The following ZBTB20 variants were observed in gnomAD, a reference collection of about 807,000 sequenced individuals.
ZBTB20 encodes the protein zinc finger and BTB domain-containing protein 20.
In ZBTB20, 9 loss-of-function variants were observed where a neutral mutation model predicts 56.9. The ratio of observed to expected loss-of-function variants is 0.16; its 90% CI spans 0.10 to 0.28. The LOEUF is 0.28. ZBTB20 is among the 10% of genes least tolerant of loss of function. The probability of loss-of-function intolerance (pLI) is 1.00; values close to 1 mark genes in which losing one functional copy is unlikely to be tolerated. For synonymous variants in ZBTB20, 417 were observed against 420.7 expected (o/e 0.99, Z 0.11); for missense variants, 655 against 1,003.0 (o/e 0.65, Z 4.69).
intron 6 of ZBTB20, among the ~76,000 whole-genome samples, chr3:114,606,087 T>C (rs1295981282): frequency 6.6e-6 from 1 of 152,202 alleles, no homozygotes; most frequent in Non-Finnish European, 1.5e-5. Flanking sequence ...TATATGCCTA[T>C]TTTAAGGAAT....
chr3:114,559,259 A>T (rs1559959500), intron 6 of ZBTB20, among the ~76,000 whole-genome samples: 1 of 152,202 alleles, frequency 6.6e-6, no homozygotes, highest in Non-Finnish European at 1.5e-5. Flanking sequence ...GTAGTTATTT[A>T]AATGTACCTC....
chr3:114,874,234 A>C (rs1000078710), intron 4 of ZBTB20: 9 of 152,220 alleles, frequency 5.9e-5, no homozygotes, highest in African/African-American at 2.2e-4. Context: ...TGGACTGAAA[A>C]CATTTTTTAA....
At chr3:114,767,717 A>T (rs548131045) in intron 5 of ZBTB20, among the ~76,000 whole-genome samples, 2 of 152,142 alleles carry the variant, frequency 1.3e-5, no homozygotes, top group Admixed American at 6.6e-5. Context: ...TGGCCCTCTA[A>T]TCTTCCTTCT....
intron 7 of ZBTB20, among the ~76,000 whole-genome samples, chr3:114,443,823 A>C (rs889990841): frequency 6.6e-6 from 1 of 152,190 alleles, no homozygotes; most frequent in Admixed American, 6.5e-5. Flanking sequence ...ATAGTATCCT[A>C]GGAAGGCAGA....
chr3:114,966,650 TA>T (rs1452124655), intron 3 of ZBTB20, among the ~76,000 whole-genome samples: 1 of 151,930 alleles, frequency 6.6e-6, no homozygotes, highest in Non-Finnish European at 1.5e-5. Context: ...CAGTGGAAAA[TA>T]AAATGGTATG....
At chr3:114,673,749 C>A (rs143870323) in intron 6 of ZBTB20, among the ~76,000 whole-genome samples, 4,003 of 152,214 alleles carry the variant, frequency 0.026, 113 homozygotes, top group Admixed American at 0.095. Context: ...GAAAATATCT[C>A]ATCAGTGCAA....
At chr3:115,089,301 C>T (rs1374709358) in intron 1 of ZBTB20, among the ~76,000 whole-genome samples, 1 of 151,640 alleles carries the variant, frequency 6.6e-6, no homozygotes, top group Non-Finnish European at 1.5e-5. Flanking sequence ...TCTTTCTTTC[C>T]TCATCTTTAA....
intron 6 of ZBTB20, among the ~76,000 whole-genome samples, chr3:114,613,354 T>C (rs532120601): frequency 6.6e-6 from 1 of 152,340 alleles, no homozygotes; most frequent in South Asian, 2.1e-4. Context: ...ACCAAGAAGC[T>C]GGAAATAGAA....
chr3:114,917,182 A>C (rs545617071), intron 3 of ZBTB20, among the ~76,000 whole-genome samples: 1 of 152,190 alleles, frequency 6.6e-6, no homozygotes, highest in Non-Finnish European at 1.5e-5. Context: ...CAGGGTGTCA[A>C]CTGCATTTTT....
chr3:114,863,913 C>T (rs550731232), intron 4 of ZBTB20, among the ~76,000 whole-genome samples: 4 of 152,044 alleles, frequency 2.6e-5, no homozygotes, highest in South Asian at 4.2e-4. Flanking sequence ...TGCTAGCAGC[C>T]CACTTAACAT....
chr3:114,591,962 A>G lies in ZBTB20; in HGVS notation c.-294-91571T>C, dbSNP rs1057464018. ...ATTTTTGCATCACTCTTCCTTGCCT[A>G]TTCCTTAAAATATAATTTTAAATGA... On this transcript the variant is annotated intron_variant, in intron 6 of 11. Transcript: ENST00000675478. Among the ~76,000 whole-genome samples the G allele has an allele frequency of 2.0e-5, 3 of 152,284 alleles. No homozygotes were observed. In the East Asian group the frequency reaches 5.8e-4, roughly 29 times the overall value.
At position 114,317,462 on chromosome 3, in the gene ZBTB20, G is replaced by GA. The variant is rs1380159594; in HGVS notation, c.*21542dup. 4 of 140,968 alleles carry GA rather than the reference G, an allele frequency of 2.8e-5. No individual in the cohort carries two copies. The East Asian group carries it at 9.3e-4, about 33-fold the overall frequency. 8.7% of individuals were successfully genotyped at this position (140,968 alleles called of 1,614,324 possible). On this transcript the variant is annotated 3_prime_UTR_variant, in exon 12 of 12. Transcript: ENST00000675478. Reference sequence around the variant, plus strand: ...GCTTGCCATTGCTCACCTCATTTTTGAAAAAATCAGAGAAGTCTATGAAAT... The same window carrying GA: ...GCTTGCCATTGCTCACCTCATTTTTGAAAAAAATCAGAGAAGTCTATGAAAT...
At chr3:114,716,037 G>A (rs2064456738) in intron 5 of ZBTB20, among the ~76,000 whole-genome samples, 1 of 152,126 alleles carries the variant, frequency 6.6e-6, no homozygotes. Context: ...AAACAATTAT[G>A]CTGTAAACAG....
chr3:114,501,821 G>T (rs1293202323), intron 6 of ZBTB20, among the ~76,000 whole-genome samples: 2 of 147,404 alleles, frequency 1.4e-5, no homozygotes, highest in African/African-American at 5.0e-5. Flanking sequence ...CGATTCTCCT[G>T]CTTCAGCCTC....
intron 1 of ZBTB20, among the ~76,000 whole-genome samples, chr3:115,100,775 T>A (rs2083558930): frequency 6.6e-6 from 1 of 152,206 alleles, no homozygotes; most frequent in African/African-American, 2.4e-5. Flanking sequence ...ATTTGTGCAA[T>A]CTTTTAAATT....
chr3:114,731,227 C>T (rs1245599666), intron 5 of ZBTB20, among the ~76,000 whole-genome samples: 3 of 152,170 alleles, frequency 2.0e-5, no homozygotes, highest in Non-Finnish European at 4.4e-5. Context: ...GCTCATATCA[C>T]ATGTTTCAGT....
At chr3:114,953,317 C>G (rs1333966879) in intron 3 of ZBTB20, among the ~76,000 whole-genome samples, 1 of 151,352 alleles carries the variant, frequency 6.6e-6, no homozygotes, top group Non-Finnish European at 1.5e-5. Context: ...CAAAGGAAAA[C>G]AGAAGAAACA....
At chr3:115,008,244 C>A (rs2079555961) in intron 2 of ZBTB20, among the ~76,000 whole-genome samples, 2 of 151,792 alleles carry the variant, frequency 1.3e-5, no homozygotes, top group African/African-American at 4.8e-5. Flanking sequence ...ATCTTCACTC[C>A]AAAATGATAT....
At chr3:114,566,004 C>CTT (rs200912033) in intron 6 of ZBTB20, among the ~76,000 whole-genome samples, 10 of 143,176 alleles carry the variant, frequency 7.0e-5, no homozygotes, top group South Asian at 2.3e-4. Context: ...TACATTTTTT[C>CTT]TTTTTTTTTC....
Sources: gnomAD v4.1 joint callset for allele counts (sites outside exome capture counted in the v4.1 genomes callset) on GRCh38, gnomAD v4.1.1 for gene constraint, MANE v1.5 for transcripts, NCBI Gene and HGNC (gene_info 2026-07-23, HGNC 2026-07-21) for gene names.